Variants in CNTNAP5 observed in about 807,000 individuals in gnomAD.
CNTNAP5 encodes the protein contactin associated protein family member 5.
In CNTNAP5, 72 loss-of-function variants were observed where a neutral mutation model predicts 150.2. The observed-to-expected ratio is 0.48, with a 90% CI of 0.40 to 0.58. The LOEUF is 0.58. Among genes scored for constraint, CNTNAP5 ranks in the 20% least tolerant of loss-of-function variants. CNTNAP5 has a pLI of 0.00. For synonymous variants in CNTNAP5, 672 were observed against 619.8 expected, an observed-to-expected ratio of 1.08 and a Z score of -1.25; for missense variants, 1,636 against 1,626.2, an observed-to-expected ratio of 1.01 and a Z score of -0.10.
intron 3 of CNTNAP5, among the ~76,000 whole-genome samples, chr2:124,271,799 C>G (rs1012176421): frequency 1.3e-5 from 2 of 152,054 alleles, no homozygotes; most frequent in African/African-American, 4.8e-5. Flanking sequence ...ACCGCAACCT[C>G]CACCTCCCAG....
intron 6 of CNTNAP5, among the ~76,000 whole-genome samples, chr2:124,473,813 C>G (rs542444368): frequency 6.6e-6 from 1 of 152,086 alleles, no homozygotes; most frequent in South Asian, 2.1e-4. Context: ...ATACTCATAA[C>G]AGGCCGCCTT....
Position 124,356,184 on chromosome 2 carries a change from T to C in CNTNAP5, c.382-61259T>C, listed in dbSNP as rs911313509. On this transcript the variant is annotated intron_variant, in intron 3 of 23. Transcript: ENST00000682447. ...TATGATAAAATTATAACAAATATTTTAGAAGGTATAAAAATAAAAGATAAT... is the reference window on the plus strand; with the variant it reads ...TATGATAAAATTATAACAAATATTTCAGAAGGTATAAAAATAAAAGATAAT... Among the ~76,000 whole-genome samples, 12 of 152,298 alleles carry C rather than the reference T, an allele frequency of 7.9e-5. No homozygotes were observed. The South Asian group carries it at 2.3e-3, about 29-fold the overall frequency.
At chr2:124,658,620 C>T (rs1188755950) in intron 13 of CNTNAP5, among the ~76,000 whole-genome samples, 10 of 152,054 alleles carry the variant, frequency 6.6e-5, no homozygotes, top group African/African-American at 9.7e-5. Flanking sequence ...CTTTCCTTAC[C>T]GTGGCATAGA....
intron 6 of CNTNAP5, among the ~76,000 whole-genome samples, chr2:124,450,824 A>G (rs1319379492): frequency 6.6e-6 from 1 of 151,306 alleles, no homozygotes; most frequent in East Asian, 1.9e-4. Context: ...CTTGTTTTAC[A>G]TAGCTATTTT....
At chr2:124,335,907 G>A (rs1402723102) in intron 3 of CNTNAP5, among the ~76,000 whole-genome samples, 2 of 151,910 alleles carry the variant, frequency 1.3e-5, no homozygotes, top group Non-Finnish European at 2.9e-5. Flanking sequence ...TGAAATAAAC[G>A]GATAACATAA....
intron 19 of CNTNAP5, among the ~76,000 whole-genome samples, chr2:124,834,808 T>TAC (rs1159091783): frequency 6.6e-6 from 1 of 151,004 alleles, no homozygotes; most frequent in African/African-American, 2.4e-5. Context: ...TATATATATA[T>TAC]ACTTATCAAA....
chr2:124,228,189 C>A (rs183185003), intron 2 of CNTNAP5, among the ~76,000 whole-genome samples: 1 of 152,222 alleles, frequency 6.6e-6, no homozygotes, highest in Non-Finnish European at 1.5e-5. Flanking sequence ...ACCCAAGAAC[C>A]TGGAATTCTG....
intron 6 of CNTNAP5, among the ~76,000 whole-genome samples, chr2:124,464,120 A>G (rs1054872415): frequency 6.6e-6 from 1 of 152,158 alleles, no homozygotes; most frequent in Non-Finnish European, 1.5e-5. Context: ...GACAAAATCC[A>G]GGTGAAATTT....
At chr2:124,470,578 C>T (rs1376004405) in intron 6 of CNTNAP5, among the ~76,000 whole-genome samples, 1 of 152,058 alleles carries the variant, frequency 6.6e-6, no homozygotes, top group African/African-American at 2.4e-5. Context: ...TTAATTAGGT[C>T]CCATTTGCCA....
rs909015612 is a variant in CNTNAP5, at chr2:124,722,763, G to C, written c.2078-24466G>C. ...TGAGCCTGTGTCCTCCAGGACAGTG[G>C]CCGCAGTGACAGCCCTTGCAATCTT... is the stretch of plus-strand genomic sequence containing the variant. On this transcript the variant is annotated intron_variant, in intron 13 of 23. Transcript: ENST00000682447. Among the ~76,000 whole-genome samples, 3 of 152,174 alleles carry C rather than the reference G, an allele frequency of 2.0e-5. No individual in the cohort carries two copies. In the East Asian group the frequency reaches 5.8e-4, roughly 29 times the overall value.
intron 1 of CNTNAP5, among the ~76,000 whole-genome samples, chr2:124,116,778 A>G (rs2104711713): frequency 6.6e-6 from 1 of 152,330 alleles, no homozygotes; most frequent in Non-Finnish European, 1.5e-5. Flanking sequence ...ATCCTTCATG[A>G]GGAAGATCCT....
At position 124,571,166 on chromosome 2, in the gene CNTNAP5, A is replaced by T. The variant is rs183182927; in HGVS notation, c.1756+7843A>T. On this transcript the variant is annotated intron_variant, in intron 11 of 23. Coordinates refer to ENST00000682447, the MANE Select transcript of CNTNAP5 (RefSeq NM_001367498.1). ...AAAGAGGAGGAGATTTAGTAGTTGG[A>T]CTTCAGTCTAGTTTGGGGCACAGTA... Among the ~76,000 whole-genome samples the T allele has an allele frequency of 4.6e-5, 7 of 152,302 alleles. No homozygotes were observed. The East Asian group carries it at 1.4e-3, about 29-fold the overall frequency.
intron 3 of CNTNAP5, among the ~76,000 whole-genome samples, chr2:124,411,530 A>G (rs1170575898): frequency 6.8e-6 from 1 of 147,242 alleles, no homozygotes. Context: ...CTTATCCACC[A>G]TGATCAAGTG....
chr2:124,056,549 G>A (rs1046708531), intron 1 of CNTNAP5, among the ~76,000 whole-genome samples: 1 of 152,194 alleles, frequency 6.6e-6, no homozygotes, highest in Non-Finnish European at 1.5e-5. Flanking sequence ...AGGCGGCTGA[G>A]GCAGGAGAAT....
At chr2:124,375,333 A>G (rs1690619359) in intron 3 of CNTNAP5, among the ~76,000 whole-genome samples, 1 of 152,166 alleles carries the variant, frequency 6.6e-6, no homozygotes, top group Admixed American at 6.5e-5. Context: ...ATCACCAATG[A>G]AAAAGCATAC....
chr2:124,868,658 C>G (rs1438331203), intron 20 of CNTNAP5, among the ~76,000 whole-genome samples: 1 of 152,126 alleles, frequency 6.6e-6, no homozygotes, highest in African/African-American at 2.4e-5. Context: ...TGTCCTGTCT[C>G]CCTCCTCTAG....
In CNTNAP5 at chr2:124,616,481, C is replaced by G. The variant is rs547927848; in HGVS notation, c.1876+6561C>G. Among the ~76,000 whole-genome samples the G allele has an allele frequency of 4.6e-5, 7 of 152,286 alleles. No homozygotes were observed. In the South Asian group the frequency reaches 1.5e-3, roughly 32 times the overall value. On this transcript the variant is annotated intron_variant, in intron 12 of 23. Transcript: ENST00000682447. ...GGCTTTGGTTTAACGGAATGTCGTG[C>G]CTGGCTTGATCTTCTATTCAGCAGC...
chr2:124,387,588 A>G (rs1690962617), intron 3 of CNTNAP5, among the ~76,000 whole-genome samples: 2 of 152,202 alleles, frequency 1.3e-5, no homozygotes, highest in African/African-American at 2.4e-5. Context: ...GGAGAATTAC[A>G]AAGAACCTTC....
chr2:124,142,108 C>G (rs1252037766), intron 1 of CNTNAP5, among the ~76,000 whole-genome samples: 2 of 144,624 alleles, frequency 1.4e-5, no homozygotes, highest in African/African-American at 2.6e-5. Flanking sequence ...AATATTTATG[C>G]ACCCAATACA....
Sources: gnomAD v4.1 joint callset for allele counts (sites outside exome capture counted in the v4.1 genomes callset) on GRCh38, gnomAD v4.1.1 for gene constraint, MANE v1.5 for transcripts, NCBI Gene and HGNC (gene_info 2026-07-23, HGNC 2026-07-21) for gene names.